Variants in KCND2 observed in about 807,000 individuals in gnomAD.
The protein encoded by KCND2 is potassium voltage-gated channel subfamily D member 2, also known as A-type voltage-gated potassium channel KCND2.
KCND2 carries 16 observed loss-of-function variants against 54.4 expected under a neutral mutation model. The observed-to-expected ratio is 0.29, with a 90% confidence interval of 0.20 to 0.45. KCND2 has a LOEUF of 0.45. KCND2 is among the 20% of genes least tolerant of loss of function. The probability of loss-of-function intolerance (pLI) is 1.00; values close to 1 mark genes in which losing one functional copy is unlikely to be tolerated. For missense variants in KCND2, 486 were observed against 824.2 expected (o/e 0.59, Z 5.02); for synonymous variants, 317 against 310.7 (o/e 1.02, Z -0.21).
At chr7:120,393,894 G>T (rs2116059050) in intron 1 of KCND2, among the ~76,000 whole-genome samples, 1 of 152,050 alleles carries the variant, frequency 6.6e-6, no homozygotes, top group African/African-American at 2.4e-5. Context: ...TGACATTTTT[G>T]GAAGTAATTT....
chr7:120,718,960 C>A (rs1479892351), intron 1 of KCND2, among the ~76,000 whole-genome samples: 1 of 152,100 alleles, frequency 6.6e-6, no homozygotes, highest in African/African-American at 2.4e-5. Flanking sequence ...GCTCTAACTT[C>A]TTTCCTTCAC....
At chr7:120,507,505 T>G (rs905367020) in intron 1 of KCND2, among the ~76,000 whole-genome samples, 1 of 151,968 alleles carries the variant, frequency 6.6e-6, no homozygotes, top group Non-Finnish European at 1.5e-5. Context: ...AGCAGAAGTC[T>G]TGAATGTGCA....
chr7:120,564,060 A>G (rs1222466674), intron 1 of KCND2, among the ~76,000 whole-genome samples: 1 of 152,206 alleles, frequency 6.6e-6, no homozygotes, highest in African/African-American at 2.4e-5. Context: ...TCATTTCTAT[A>G]TATAATATAC....
intron 1 of KCND2, among the ~76,000 whole-genome samples, chr7:120,481,288 T>C (rs1213746947): frequency 6.6e-6 from 1 of 152,176 alleles, no homozygotes; most frequent in Non-Finnish European, 1.5e-5. Context: ...GCAAACCATG[T>C]AGGCTGTTGC....
At chr7:120,299,968 A>G (rs765026511) in intron 1 of KCND2, among the ~76,000 whole-genome samples, 1 of 152,172 alleles carries the variant, frequency 6.6e-6, no homozygotes, top group Non-Finnish European at 1.5e-5. Context: ...GAAATAGATG[A>G]TTATTTTGGC....
intron 1 of KCND2, among the ~76,000 whole-genome samples, chr7:120,435,168 T>G (rs1230952080): frequency 6.6e-6 from 1 of 151,910 alleles, no homozygotes; most frequent in Non-Finnish European, 1.5e-5. Context: ...GTGCAGTGGC[T>G]TCATCTCTAC....
intron 1 of KCND2, among the ~76,000 whole-genome samples, chr7:120,357,829 T>C (rs1465231710): frequency 6.6e-6 from 1 of 152,124 alleles, no homozygotes; most frequent in Non-Finnish European, 1.5e-5. Flanking sequence ...TATAAGGATA[T>C]GAGTTCTGTT....
At chr7:120,650,029 C>T (rs1791706370) in intron 1 of KCND2, among the ~76,000 whole-genome samples, 1 of 151,994 alleles carries the variant, frequency 6.6e-6, no homozygotes, top group Non-Finnish European at 1.5e-5. Context: ...CCCGACCTTT[C>T]TCTCTGGCTG....
At chr7:120,335,781 G>A (rs930053246) in intron 1 of KCND2, among the ~76,000 whole-genome samples, 8 of 152,066 alleles carry the variant, frequency 5.3e-5, no homozygotes, top group Non-Finnish European at 7.4e-5. Context: ...CACCGCGCCC[G>A]GCTGGCTTTT....
At chr7:120,596,222 G>T (rs1792743847) in intron 1 of KCND2, among the ~76,000 whole-genome samples, 1 of 151,898 alleles carries the variant, frequency 6.6e-6, no homozygotes, top group Non-Finnish European at 1.5e-5. Flanking sequence ...TTAACTTTTG[G>T]GCTTTTAAAA....
At chr7:120,467,646 T>C (rs1802390619) in intron 1 of KCND2, among the ~76,000 whole-genome samples, 1 of 152,140 alleles carries the variant, frequency 6.6e-6, no homozygotes. Context: ...TTGAAAATGG[T>C]CAATTGGAGG....
At chr7:120,645,107 A>C (rs925596564) in intron 1 of KCND2, among the ~76,000 whole-genome samples, 1 of 152,244 alleles carries the variant, frequency 6.6e-6, no homozygotes, top group Non-Finnish European at 1.5e-5. Flanking sequence ...TTAGTAAAAC[A>C]GATACAAGTT....
intron 1 of KCND2, among the ~76,000 whole-genome samples, chr7:120,598,209 A>G (rs1398934531): frequency 6.6e-6 from 1 of 152,166 alleles, no homozygotes; most frequent in African/African-American, 2.4e-5. Flanking sequence ...AAAATTTAAT[A>G]TCATTTATTT....
intron 1 of KCND2, among the ~76,000 whole-genome samples, chr7:120,621,020 A>G (rs972870380): frequency 6.6e-6 from 1 of 152,104 alleles, no homozygotes; most frequent in Non-Finnish European, 1.5e-5. Flanking sequence ...CACACTTGTA[A>G]TCCCAGCACT....
At chr7:120,482,845 C>G (rs972701944) in intron 1 of KCND2, among the ~76,000 whole-genome samples, 7 of 151,980 alleles carry the variant, frequency 4.6e-5, no homozygotes, top group Non-Finnish European at 1.0e-4. Context: ...AATTTTTTTT[C>G]TAATAATAAT....
At chr7:120,492,505 G>C (rs1314030757) in intron 1 of KCND2, among the ~76,000 whole-genome samples, 1 of 151,926 alleles carries the variant, frequency 6.6e-6, no homozygotes, top group Non-Finnish European at 1.5e-5. Context: ...ATCGCTCACA[G>C]TTCTGGAGGT....
chr7:120,530,034 C>T (rs1453626688), intron 1 of KCND2, among the ~76,000 whole-genome samples: 1 of 152,046 alleles, frequency 6.6e-6, no homozygotes, highest in Admixed American at 6.6e-5. Context: ...GATCATGCCA[C>T]TGCATTCCAC....
chr7:120,364,262 C>T (rs1433468116), intron 1 of KCND2, among the ~76,000 whole-genome samples: 1 of 152,162 alleles, frequency 6.6e-6, no homozygotes, highest in Non-Finnish European at 1.5e-5. Context: ...GGGAACCCCA[C>T]CATTTCCCTC....
intron 1 of KCND2, among the ~76,000 whole-genome samples, chr7:120,407,712 A>T (rs974704336): frequency 6.6e-6 from 1 of 150,584 alleles, no homozygotes; most frequent in Non-Finnish European, 1.5e-5. Flanking sequence ...AAACTTTATA[A>T]TATAAAAATA....
Sources: gnomAD v4.1 joint callset for allele counts (sites outside exome capture counted in the v4.1 genomes callset) on GRCh38, gnomAD v4.1.1 for gene constraint, MANE v1.5 for transcripts, NCBI Gene and HGNC (gene_info 2026-07-23, HGNC 2026-07-21) for gene names.